Variants in CACNA1D observed in about 807,000 individuals in gnomAD.
CACNA1D encodes voltage-dependent L-type calcium channel subunit alpha-1D.
CACNA1D carries 55 observed loss-of-function variants against 257.1 expected under a neutral mutation model. That is an observed-to-expected ratio of 0.21 (90% confidence interval 0.17 to 0.27). The LOEUF (loss-of-function observed/expected upper bound fraction) is 0.27, where lower values mean the gene tolerates loss of function less well. CACNA1D is among the 10% of genes least tolerant of loss of function. The pLI, the probability that CACNA1D is intolerant of heterozygous loss-of-function variation, is 1.00. For missense variants in CACNA1D, 1,876 were observed against 2,784.0 expected, an observed-to-expected ratio of 0.67 and a Z score of 7.34; for synonymous variants, 980 against 1,014.9, an observed-to-expected ratio of 0.97 and a Z score of 0.65.
chr3:53,617,229 G>A (rs1172782059), intron 3 of CACNA1D, among the ~76,000 whole-genome samples: 1 of 152,056 alleles, frequency 6.6e-6, no homozygotes, highest in Non-Finnish European at 1.5e-5. Flanking sequence ...TGTTTCCAGA[G>A]TCACTGTGTG....
At chr3:53,641,350 C>T (rs1346640281) in intron 3 of CACNA1D, among the ~76,000 whole-genome samples, 1 of 152,172 alleles carries the variant, frequency 6.6e-6, no homozygotes, top group African/African-American at 2.4e-5. Context: ...ACTCCTAGTA[C>T]TCTGCTTGAG....
At chr3:53,593,680 ATTC>A (rs1179424878) in intron 3 of CACNA1D, among the ~76,000 whole-genome samples, 3 of 152,154 alleles carry the variant, frequency 2.0e-5, no homozygotes, top group Non-Finnish European at 1.5e-5. Flanking sequence ...GGCAGTGGGT[ATTC>A]TTCCCCCTCA....
At chr3:53,644,632 A>C (rs2094000346) in intron 3 of CACNA1D, among the ~76,000 whole-genome samples, 1 of 152,162 alleles carries the variant, frequency 6.6e-6, no homozygotes, top group African/African-American at 2.4e-5. Context: ...CACCCATGTT[A>C]TTGCAAATGA....
intron 3 of CACNA1D, among the ~76,000 whole-genome samples, chr3:53,526,142 C>T (rs141253421): frequency 1.3e-5 from 2 of 152,312 alleles, no homozygotes; most frequent in Admixed American, 1.3e-4. Flanking sequence ...GATTGGGTCA[C>T]GCGCACATCC....
chr3:53,759,415 A>C (rs1048009818), intron 29 of CACNA1D, among the ~76,000 whole-genome samples: 2 of 152,222 alleles, frequency 1.3e-5, no homozygotes, highest in African/African-American at 4.8e-5. Flanking sequence ...GGCCTTTGGG[A>C]AATGACATAA....
chr3:53,566,166 C>G (rs536383770), intron 3 of CACNA1D, among the ~76,000 whole-genome samples: 1 of 152,308 alleles, frequency 6.6e-6, no homozygotes, highest in Non-Finnish European at 1.5e-5. Context: ...ACCTGTCAGT[C>G]TGAAGTCTTC....
chr3:53,791,167 A>G, intron 40 of CACNA1D: 1 of 625,574 alleles, frequency 1.6e-6, no homozygotes, highest in Admixed American at 2.6e-5. Context: ...CCTTCCAAGC[A>G]AAGCACTCCT....
rs993667783 is a variant in CACNA1D, at chr3:53,673,005, C to A, written c.1117-18C>A. 3 of 1,509,836 alleles carry A rather than the reference C, an allele frequency of 2.0e-6. No homozygotes were observed. The Admixed American group carries it at 5.9e-5, about 30-fold the overall frequency. The allele number at this position is 1,509,836 out of a possible 1,614,324, so 93.5% of individuals were successfully genotyped here. A position where few individuals can be genotyped will look rare whatever the true frequency, so the allele number is the denominator to read the frequency against. ...CTCTTATTAACCCACTCCTATGAGACCATCTTATTTCTTGCAGATGAATGA... is the reference window on the plus strand; with the variant it reads ...CTCTTATTAACCCACTCCTATGAGAACATCTTATTTCTTGCAGATGAATGA... On this transcript the variant is annotated intron_variant, in intron 7 of 47. Transcript: ENST00000350061. This position sits in a 1 kb window ranked among gnomAD's most constrained non-coding sequence, Gnocchi z 4.1.
intron 7 of CACNA1D, among the ~76,000 whole-genome samples, chr3:53,669,996 T>C (rs2094307161): frequency 6.6e-6 from 1 of 152,236 alleles, no homozygotes; most frequent in African/African-American, 2.4e-5. Flanking sequence ...AGAAATTGTT[T>C]TTAAATGCAG....
intron 8 of CACNA1D, among the ~76,000 whole-genome samples, chr3:53,680,932 T>A (rs1234392660): frequency 6.6e-6 from 1 of 152,180 alleles, no homozygotes; most frequent in Non-Finnish European, 1.5e-5. Context: ...AGATCTATAG[T>A]GTAGGGAACT....
chr3:53,722,442 A>G lies in CACNA1D; in HGVS notation c.1634A>G (p.Tyr545Cys). 6.2e-7 allele frequency: 1 copy of G among 1,614,160 alleles called. No individual in the cohort carries two copies. The highest frequency in any genetic ancestry group is 8.5e-7 in the Non-Finnish European group (1 of 1,180,032). The stretch of plus-strand genomic sequence containing the variant: ...ACCTTAACCATTTCCTCTGAGCACT[A>G]CAATCAGCCAGATTGGTTGACACAG... ...LNTLTISSEH[Y>C]NQPDWLTQIQ... Residue 545 changes from tyrosine to cysteine, a missense_variant, in exon 12 of 48, where the codon TAC becomes TGC. This residue lies in a region of CACNA1D where 257 missense variants were observed against 399.7 expected (regional missense o/e 0.64). Transcript: ENST00000350061.
At chr3:53,718,155 CT>C (rs2094840032) in intron 9 of CACNA1D, 145 bp from the exon 10 acceptor site, 1 of 738,828 alleles carries the variant, frequency 1.4e-6, no homozygotes, top group Non-Finnish European at 2.5e-6. Context: ...TTGGCACTCC[CT>C]TAGCCCAGCT....
intron 8 of CACNA1D, among the ~76,000 whole-genome samples, chr3:53,702,231 T>C (rs2094633363): frequency 1.3e-5 from 2 of 152,222 alleles, no homozygotes; most frequent in Non-Finnish European, 2.9e-5. Flanking sequence ...CTTGGTACTC[T>C]TTGACCACAG....
At chr3:53,604,729 G>A (rs1342203491) in intron 3 of CACNA1D, among the ~76,000 whole-genome samples, 1 of 152,230 alleles carries the variant, frequency 6.6e-6, no homozygotes, top group Non-Finnish European at 1.5e-5. Context: ...TGGCTACCAT[G>A]TGGAGATGGC....
rs150761488 is a variant in CACNA1D at position 53,587,444 on chromosome 3, G to A, written c.484-63335G>A. On this transcript the variant is annotated intron_variant, in intron 3 of 47. Coordinates refer to ENST00000350061, the MANE Select transcript of CACNA1D (RefSeq NM_001128840.3). ...TTACAGGGTCTTCTCTGGGACCTGC[G>A]GGGGCCTGTTTTGGGCAGGAGGGCA... is the stretch of plus-strand genomic sequence containing the variant. 4.1e-4 allele frequency among the ~76,000 whole-genome samples: 62 copies of A among 152,198 alleles called. No homozygotes were observed. In the East Asian group the frequency reaches 0.011, roughly 28 times the overall value.
chr3:53,643,407 C>A (rs74777209), intron 3 of CACNA1D, among the ~76,000 whole-genome samples: 1 of 152,100 alleles, frequency 6.6e-6, no homozygotes, highest in African/African-American at 2.4e-5. Flanking sequence ...TGCGGCTCCC[C>A]TGGGTCACCT....
At chr3:53,628,557 A>G (rs3821853) in intron 3 of CACNA1D, among the ~76,000 whole-genome samples, 16,486 of 152,232 alleles carry the variant, frequency 0.11, 1,043 homozygotes, top group African/African-American at 0.16. Flanking sequence ...TTGGTTAAAT[A>G]CAGAGTAAAA....
intron 3 of CACNA1D, among the ~76,000 whole-genome samples, chr3:53,541,346 A>G (rs184986425): frequency 8.2e-4 from 125 of 152,314 alleles, no homozygotes; most frequent in Non-Finnish European, 1.6e-3. Context: ...ATTAATGACA[A>G]TATGATTACA....
At chr3:53,507,089 A>AAAAAAAAAAAAAAAAG (rs1559764209) in intron 3 of CACNA1D, among the ~76,000 whole-genome samples, 1 of 150,176 alleles carries the variant, frequency 6.7e-6, no homozygotes. Flanking sequence ...AAAAAAAAAA[A>AAAAAAAAAAAAAAAAG]AAAACAAAAA....
Sources: gnomAD v4.1 joint callset for allele counts (sites outside exome capture counted in the v4.1 genomes callset) on GRCh38, gnomAD v4.1.1 for gene constraint, gnomAD v4.1.1 regional missense constraint, Gnocchi (gnomAD v3.1) non-coding constraint, MANE v1.5 for transcripts, NCBI Gene and HGNC (gene_info 2026-07-23, HGNC 2026-07-21) for gene names.